The following NMNAT3 variants were observed in gnomAD, a reference collection of about 807,000 sequenced individuals.
NMNAT3 encodes nicotinamide nucleotide adenylyltransferase 3.
Under a neutral mutation model 24.8 loss-of-function variants are expected in NMNAT3, and 21 were observed. The observed-to-expected ratio is 0.85, with a 90% confidence interval of 0.60 to 1.22. The LOEUF (loss-of-function observed/expected upper bound fraction) is 1.22, where lower values mean the gene tolerates loss of function less well. Among genes scored for constraint, NMNAT3 ranks in the 50% most tolerant of loss-of-function variants. The pLI, the probability that NMNAT3 is intolerant of heterozygous loss-of-function variation, is 0.00. For missense variants in NMNAT3, 387 were observed against 436.6 expected (o/e 0.89, Z 1.01); for synonymous variants, 136 against 155.2 (o/e 0.88, Z 0.92).
At chr3:139,607,158 T>G (rs2054983781) in intron 3 of NMNAT3, among the ~76,000 whole-genome samples, 1 of 151,586 alleles carries the variant, frequency 6.6e-6, no homozygotes, top group South Asian at 2.1e-4. Context: ...TATAATTATA[T>G]TAATTATATC....
chr3:139,628,926 G>T (rs368461651), intron 2 of NMNAT3, among the ~76,000 whole-genome samples: 1 of 152,206 alleles, frequency 6.6e-6, no homozygotes, highest in Non-Finnish European at 1.5e-5. Flanking sequence ...GATGACAATG[G>T]TGAGAAAGGT....
intron 1 of NMNAT3, among the ~76,000 whole-genome samples, chr3:139,661,098 C>T (rs13075367): frequency 0.11 from 17,136 of 152,176 alleles, 1,073 homozygotes; most frequent in Non-Finnish European, 0.14. Context: ...CATAAGCAAT[C>T]TTTCAATGAT....
chr3:139,627,589 T>G, intron 3 of NMNAT3, 27 bp downstream of exon 4: 1 of 1,393,688 alleles, frequency 7.2e-7, no homozygotes, highest in South Asian at 1.3e-5. Context: ...CCAGTTCTTC[T>G]GTTGGACTCA....
At chr3:139,632,418 G>A (rs1425857436) in intron 2 of NMNAT3, among the ~76,000 whole-genome samples, 1 of 152,192 alleles carries the variant, frequency 6.6e-6, no homozygotes. Context: ...TGACACCAAG[G>A]TCATCCCTCT....
chr3:139,630,696 C>T (rs1295288585), intron 2 of NMNAT3, among the ~76,000 whole-genome samples: 1 of 152,106 alleles, frequency 6.6e-6, no homozygotes, highest in Non-Finnish European at 1.5e-5. Context: ...TCAGCCTAGG[C>T]GGGCCGTGGT....
At chr3:139,610,107 AT>A (rs1372243934) in intron 3 of NMNAT3, among the ~76,000 whole-genome samples, 2 of 152,160 alleles carry the variant, frequency 1.3e-5, no homozygotes, top group Admixed American at 6.5e-5. Flanking sequence ...ATGGTTCCCC[AT>A]TTTTCATAGC....
At chr3:139,640,853 A>G (rs1260336558) in intron 1 of NMNAT3, among the ~76,000 whole-genome samples, 1 of 152,264 alleles carries the variant, frequency 6.6e-6, no homozygotes, top group East Asian at 1.9e-4. Context: ...TGATAAGCAG[A>G]TAACTGCAAA....
At chr3:139,588,406 A>G (rs1282364653) in intron 3 of NMNAT3, among the ~76,000 whole-genome samples, 2 of 152,232 alleles carry the variant, frequency 1.3e-5, no homozygotes, top group Non-Finnish European at 1.5e-5. Flanking sequence ...AGAAAATGAT[A>G]ATAAAGGAAT....
At chr3:139,648,626 T>C (rs980559356) in intron 1 of NMNAT3, among the ~76,000 whole-genome samples, 5 of 152,214 alleles carry the variant, frequency 3.3e-5, no homozygotes, top group Non-Finnish European at 7.3e-5. Flanking sequence ...TGGAGAAACA[T>C]ATCTTCAAAC....
At chr3:139,585,970 G>C (rs978211783) in intron 3 of NMNAT3, among the ~76,000 whole-genome samples, 3 of 152,176 alleles carry the variant, frequency 2.0e-5, no homozygotes, top group Admixed American at 6.5e-5. Flanking sequence ...GACTTGCATG[G>C]CTGCTGATTC....
rs547235119 is a variant in NMNAT3, at chr3:139,610,619, C to T, written c.109+16997G>A. Among the ~76,000 whole-genome samples, 16 of 152,232 alleles carry T rather than the reference C, an allele frequency of 1.1e-4. No individual in the cohort carries two copies. In the South Asian group the frequency reaches 2.3e-3, roughly 22 times the overall value. On this transcript the variant is annotated intron_variant, in intron 3 of 6. Transcript: ENST00000643695. ...TCACTATATTTGATTAATAAACATC[C>T]GTGTGAGCCCAAGATTAAAGCAACA...
intron 3 of NMNAT3, among the ~76,000 whole-genome samples, chr3:139,589,482 T>C (rs1238237192): frequency 1.3e-5 from 2 of 152,226 alleles, no homozygotes; most frequent in Non-Finnish European, 2.9e-5. Flanking sequence ...CAGGATAGCA[T>C]TGGATTTCTC....
intron 3 of NMNAT3, among the ~76,000 whole-genome samples, chr3:139,620,795 A>G (rs1240203882): frequency 6.6e-6 from 1 of 152,020 alleles, no homozygotes. Flanking sequence ...TTGTCCCACT[A>G]GAAGGTCTGT....
At chr3:139,673,943 G>T (rs1420787553) in intron 1 of NMNAT3, among the ~76,000 whole-genome samples, 1 of 152,086 alleles carries the variant, frequency 6.6e-6, no homozygotes, top group Non-Finnish European at 1.5e-5. Context: ...CTGGTACTAT[G>T]GGAAGGCTGA....
At chr3:139,594,976 A>G (rs1316699708) in intron 3 of NMNAT3, among the ~76,000 whole-genome samples, 5 of 152,286 alleles carry the variant, frequency 3.3e-5, no homozygotes, top group African/African-American at 1.2e-4. Flanking sequence ...ATTAGGCAGG[A>G]GAAGGAAATA....
intron 3 of NMNAT3, among the ~76,000 whole-genome samples, chr3:139,603,309 C>T (rs2054795782): frequency 6.6e-6 from 1 of 152,212 alleles, no homozygotes; most frequent in African/African-American, 2.4e-5. Context: ...GTGAAATACT[C>T]AGTCAGCTCT....
intron 3 of NMNAT3, among the ~76,000 whole-genome samples, chr3:139,601,294 A>T (rs945640024): frequency 2.6e-5 from 4 of 152,248 alleles, no homozygotes; most frequent in Non-Finnish European, 5.9e-5. Flanking sequence ...GAGGTCCAGC[A>T]TGCAGAGACA....
At chr3:139,674,631 T>C (rs2057867071) in intron 1 of NMNAT3, among the ~76,000 whole-genome samples, 1 of 152,210 alleles carries the variant, frequency 6.6e-6, no homozygotes, top group South Asian at 2.1e-4. Context: ...TTTCACTTAG[T>C]CAAGTGCTTT....
At chr3:139,668,484 A>G (rs1057289409) in intron 1 of NMNAT3, among the ~76,000 whole-genome samples, 48 of 152,360 alleles carry the variant, frequency 3.2e-4, no homozygotes, top group Admixed American at 1.4e-3. Context: ...ACATGATAGA[A>G]GGACAAAAGG....
Sources: allele counts gnomAD v4.1 joint callset (sites outside exome capture counted in the v4.1 genomes callset), GRCh38; gene constraint gnomAD v4.1.1; transcripts MANE v1.5; gene names NCBI Gene and HGNC (gene_info 2026-07-23, HGNC 2026-07-21).